Variants in GDPD5 observed in about 807,000 individuals in gnomAD.
GDPD5 encodes the protein glycerophosphodiester phosphodiesterase domain containing 5.
A neutral mutation model predicts 75.1 loss-of-function variants in GDPD5; 48 were observed. That is an observed-to-expected ratio of 0.64 (90% CI 0.51 to 0.81). The LOEUF is 0.81. Ranked by LOEUF, GDPD5 falls within the 40% of genes least tolerant of loss-of-function variation. The pLI, the probability that GDPD5 is intolerant of heterozygous loss-of-function variation, is 0.00. For synonymous variants in GDPD5, 336 were observed against 339.0 expected, an observed-to-expected ratio of 0.99 and a Z score of 0.10; for missense variants, 706 against 822.6, an observed-to-expected ratio of 0.86 and a Z score of 1.73.
intron 1 of GDPD5, among the ~76,000 whole-genome samples, chr11:75,509,166 G>A (rs775849036): frequency 1.4e-4 from 22 of 152,310 alleles, no homozygotes; most frequent in Non-Finnish European, 2.9e-4. Context: ...ACTGTAAACA[G>A]GACAGACAAG....
At chr11:75,497,065 G>A (rs931936641) in intron 1 of GDPD5, among the ~76,000 whole-genome samples, 1 of 152,104 alleles carries the variant, frequency 6.6e-6, no homozygotes, top group African/African-American at 2.4e-5. Context: ...TTACAGGCAT[G>A]AGCCACCATG....
intron 6 of GDPD5, among the ~76,000 whole-genome samples, chr11:75,453,497 A>G (rs1434415393): frequency 6.6e-6 from 1 of 152,126 alleles, no homozygotes; most frequent in Non-Finnish European, 1.5e-5. Flanking sequence ...CGGTGCCTGT[A>G]GTCCCAGCTA....
At chr11:75,494,209 T>G (rs1310847480) in intron 1 of GDPD5, among the ~76,000 whole-genome samples, 1 of 172 alleles carries the variant, frequency 5.8e-3, no homozygotes, top group Non-Finnish European at 9.6e-3. Flanking sequence ...TTCGTTTACT[T>G]TTTTTTTTTT....
chr11:75,435,340 G>A lies in GDPD5; in HGVS notation c.*167C>T. The A allele has an allele frequency of 1.8e-6, 1 of 571,024 alleles. No homozygotes were observed. The highest frequency in any genetic ancestry group is 3.0e-6 in the Non-Finnish European group (1 of 337,960). 35.4% of individuals were successfully genotyped at this position (571,024 alleles called of 1,614,324 possible). A position where few individuals can be genotyped will look rare whatever the true frequency, so the allele number is the denominator to read the frequency against. The stretch of plus-strand genomic sequence containing the variant: ...GTCCTGGCCCAGCTGGGCCTCAGGA[G>A]ACAGGGAGTCCCCCTCAAGAGAGGC... On this transcript the variant is annotated 3_prime_UTR_variant, in exon 17 of 17. Transcript: ENST00000336898.
chr11:75,436,355 C>T (rs962979271), intron 16 of GDPD5, among the ~76,000 whole-genome samples: 12 of 152,182 alleles, frequency 7.9e-5, no homozygotes, highest in African/African-American at 2.9e-4. Context: ...TCCCTCAGCT[C>T]ACTCGGCCCT....
At chr11:75,449,841 A>G in intron 7 of GDPD5, 44 bp downstream of exon 7, 2 of 1,579,874 alleles carry the variant, frequency 1.3e-6, no homozygotes. Context: ...GAAGTGACAG[A>G]AAGGCTCTTG....
At chr11:75,491,322 T>C (rs529817636) in intron 1 of GDPD5, among the ~76,000 whole-genome samples, 12 of 152,332 alleles carry the variant, frequency 7.9e-5, no homozygotes, top group African/African-American at 2.9e-4. Context: ...AACATACTTA[T>C]TTCCTCTGCC....
intron 3 of GDPD5, among the ~76,000 whole-genome samples, chr11:75,466,157 A>C (rs1949511047): frequency 6.6e-6 from 1 of 152,194 alleles, no homozygotes; most frequent in Non-Finnish European, 1.5e-5. Flanking sequence ...GGCCTAAGCA[A>C]CAAGGAGCCA....
intron 1 of GDPD5, among the ~76,000 whole-genome samples, chr11:75,521,876 G>A (rs1012628057): frequency 2.6e-5 from 4 of 152,234 alleles, no homozygotes; most frequent in Non-Finnish European, 4.4e-5. Context: ...CCAGAAGGCC[G>A]GGCAGAGGCT....
In GDPD5 at chr11:75,524,805, G is replaced by A. The variant is rs1375916541; in HGVS notation, c.-145+405C>T. ...TCGCGGGTGACATGGCCAGGGAGCGGGAGGCAAGAAGAAGCCACTTCCTCA... is the reference window on the plus strand; with the variant it reads ...TCGCGGGTGACATGGCCAGGGAGCGAGAGGCAAGAAGAAGCCACTTCCTCA... On this transcript the variant is annotated intron_variant, in intron 1 of 16. Transcript: ENST00000336898. 2.0e-5 allele frequency among the ~76,000 whole-genome samples: 3 copies of A among 151,408 alleles called. No homozygotes were observed. In the East Asian group the frequency reaches 5.9e-4, roughly 30 times the overall value.
At chr11:75,503,264 G>A (rs1450859727) in intron 1 of GDPD5, among the ~76,000 whole-genome samples, 1 of 152,086 alleles carries the variant, frequency 6.6e-6, no homozygotes. Context: ...CAGGTGATCC[G>A]CCTGCCTCAG....
At chr11:75,460,753 A>C in intron 4 of GDPD5, among the ~76,000 whole-genome samples, 1 of 151,524 alleles carries the variant, frequency 6.6e-6, no homozygotes, top group African/African-American at 2.4e-5. Flanking sequence ...GTCCCCAGAG[A>C]CTCTTGAGAC....
chr11:75,435,811 C>T (rs1334825323), intron 16 of GDPD5, among the ~76,000 whole-genome samples, 156 bp from the exon 17 acceptor site: 1 of 152,116 alleles, frequency 6.6e-6, no homozygotes, highest in Non-Finnish European at 1.5e-5. Flanking sequence ...CACTCAAGGC[C>T]CCTTTGGTGT....
chr11:75,450,051 A>T, intron 6 of GDPD5, 68 bp from the exon 7 acceptor site: 2 of 1,289,416 alleles, frequency 1.6e-6, no homozygotes, highest in Non-Finnish European at 2.2e-6. Context: ...TGTCTGAGAG[A>T]GGAGCCAGAG....
At chr11:75,488,689 T>C (rs1950057163) in intron 2 of GDPD5, among the ~76,000 whole-genome samples, 1 of 152,164 alleles carries the variant, frequency 6.6e-6, no homozygotes, top group African/African-American at 2.4e-5. Context: ...AAACAGACCC[T>C]GTGCAAAGCT....
At chr11:75,510,755 T>TCCC (rs1355746358) in intron 1 of GDPD5, among the ~76,000 whole-genome samples, 1 of 91,702 alleles carries the variant, frequency 1.1e-5, no homozygotes, top group Non-Finnish European at 2.1e-5. Flanking sequence ...CTTCTCCCCC[T>TCCC]CCCCCCTCCT....
At chr11:75,464,028 T>G (rs1371799484) in intron 3 of GDPD5, among the ~76,000 whole-genome samples, 2 of 152,232 alleles carry the variant, frequency 1.3e-5, no homozygotes, top group African/African-American at 4.8e-5. Context: ...CATGACCTGC[T>G]CACTGTGTCC....
intron 16 of GDPD5, 99 bp from the exon 17 acceptor site, chr11:75,435,754 C>T: frequency 7.9e-7 from 1 of 1,258,164 alleles, no homozygotes; most frequent in Non-Finnish European, 1.1e-6. Flanking sequence ...CAGCGGGGCA[C>T]TTGGAGGCTG....
intron 4 of GDPD5, among the ~76,000 whole-genome samples, chr11:75,459,226 A>G (rs1276876930): frequency 6.6e-6 from 1 of 152,218 alleles, no homozygotes; most frequent in Non-Finnish European, 1.5e-5. Flanking sequence ...ATTCTTCACA[A>G]TTATAAATTA....
Sources: allele counts gnomAD v4.1 joint callset (sites outside exome capture counted in the v4.1 genomes callset), GRCh38; gene constraint gnomAD v4.1.1; transcripts MANE v1.5; gene names NCBI Gene and HGNC (gene_info 2026-07-23, HGNC 2026-07-21).